The following CRY2 variants were observed in gnomAD, a reference collection of about 807,000 sequenced individuals.
The protein encoded by CRY2 is cryptochrome circadian regulator 2.
Under a neutral mutation model 69.5 loss-of-function variants are expected in CRY2, and 31 were observed. The ratio of observed to expected loss-of-function variants is 0.45; its 90% confidence interval spans 0.34 to 0.60. CRY2 has a LOEUF of 0.60. CRY2 is among the 20% of genes least tolerant of loss of function. The pLI is 0.02. For missense variants in CRY2, 606 were observed against 797.8 expected, an observed-to-expected ratio of 0.76 and a Z score of 2.90; for synonymous variants, 303 against 312.2, an observed-to-expected ratio of 0.97 and a Z score of 0.31.
At chr11:45,867,986 A>G in intron 6 of CRY2, 1 of 535,010 alleles carries the variant, frequency 1.9e-6, no homozygotes, top group Non-Finnish European at 3.3e-6. Context: ...CATGTAGAGC[A>G]GAAGGACAGG....
chr11:45,862,338 G>T (rs1352686339), intron 5 of CRY2, among the ~76,000 whole-genome samples, 190 bp downstream of exon 5: 3 of 152,334 alleles, frequency 2.0e-5, no homozygotes, highest in African/African-American at 7.2e-5. Flanking sequence ...TACTTACCAT[G>T]TGCTGGTCAC....
At chr11:45,854,055 G>A (rs2086218952) in intron 1 of CRY2, among the ~76,000 whole-genome samples, 1 of 152,238 alleles carries the variant, frequency 6.6e-6, no homozygotes, top group African/African-American at 2.4e-5. Flanking sequence ...GTACGTCAGA[G>A]GCAGCAGTGG....
intron 5 of CRY2, among the ~76,000 whole-genome samples, chr11:45,862,930 C>A (rs2086299996): frequency 6.6e-6 from 1 of 152,182 alleles, no homozygotes; most frequent in South Asian, 2.1e-4. Flanking sequence ...TAGTTTCCTG[C>A]CCCCTGCAGC....
chr11:45,852,792 CTT>C (rs2086207538), intron 1 of CRY2, among the ~76,000 whole-genome samples: 1 of 152,204 alleles, frequency 6.6e-6, no homozygotes, highest in Non-Finnish European at 1.5e-5. Context: ...GCTTGTGAAA[CTT>C]TAATATGCAA....
Position 45,881,025 on chromosome 11 carries a change from G to C in CRY2, c.*114G>C, listed in dbSNP as rs2086467850. ...CCGGGCAGAGATAGAGCGAGCATGT[G>C]TGTGTGTGTGCGCGTGTGCAGAGGA... On this transcript the variant is annotated 3_prime_UTR_variant, in exon 12 of 12. Coordinates refer to ENST00000616080, the MANE Select transcript of CRY2 (RefSeq NM_021117.5). 6.6e-6 allele frequency: 1 copy of C among 152,546 alleles called. No homozygotes were observed. The highest frequency in any genetic ancestry group is 2.4e-5 in the African/African-American group (1 of 41,476). 9.4% of individuals were successfully genotyped at this position (152,546 alleles called of 1,614,324 possible).
At chr11:45,868,134 C>T (rs1053950410) in intron 6 of CRY2, among the ~76,000 whole-genome samples, 5 of 152,280 alleles carry the variant, frequency 3.3e-5, no homozygotes, top group East Asian at 1.9e-4. Context: ...CATAGCTGCC[C>T]GCTCTGGAGC....
intron 1 of CRY2, among the ~76,000 whole-genome samples, chr11:45,849,923 C>T (rs2134625973): frequency 6.6e-6 from 1 of 152,244 alleles, no homozygotes; most frequent in Non-Finnish European, 1.5e-5. Flanking sequence ...TGTGCCCAGC[C>T]CCTTTCTCCC....
upstream of CRY2, chr11:45,847,306 G>C: frequency 5.1e-6 from 8 of 1,571,970 alleles, no homozygotes; most frequent in African/African-American, 1.3e-5. Context: ...GGGCGGGCCT[G>C]TTCCGGCGCC....
At chr11:45,847,231 G>C (rs2086155528), upstream of CRY2, 2 of 1,550,896 alleles carry the variant, frequency 1.3e-6, no homozygotes, top group South Asian at 1.2e-5. Context: ...GACAGCCCCA[G>C]CCTGCGTCAC....
At chr11:45,847,122 T>G (rs1044740995), upstream of CRY2, 7 of 1,479,586 alleles carry the variant, frequency 4.7e-6, no homozygotes, top group Admixed American at 3.9e-5. Context: ...CCAGGCAGCT[T>G]CTTCTAGAAG....
chr11:45,869,919 C>T (rs1176877671), intron 7 of CRY2, 102 bp downstream of exon 7: 2 of 1,515,678 alleles, frequency 1.3e-6, no homozygotes, highest in Non-Finnish European at 1.8e-6. Flanking sequence ...TTTCTGGGTC[C>T]AGGAGATCCC....
chr11:45,858,718 CCT>C lies in CRY2; in HGVS notation c.325-9_325-8del, dbSNP rs1235998085. On this transcript the variant is annotated splice_polypyrimidine_tract_variant and intron_variant, in intron 2 of 11. Transcript: ENST00000616080. ...AAACACAGTGTTGAGCATAACAGAT[CCT>C]CTCCCCACAGGAATGGGGAGTGACC... The C allele has an allele frequency of 6.2e-7, 1 of 1,610,882 alleles. No homozygotes were observed. Among genetic ancestry groups the C allele is most frequent in the South Asian group, 1.1e-5 (1 of 90,550 alleles).
At chr11:45,858,584 A>G (rs575283640) in intron 2 of CRY2, 147 bp from the exon 3 acceptor site, 8 of 915,532 alleles carry the variant, frequency 8.7e-6, no homozygotes, top group Non-Finnish European at 1.3e-5. Flanking sequence ...TTTGCTTTCC[A>G]GATCAAATCC....
Position 45,869,672 on chromosome 11 carries a change from C to T in CRY2, c.1049C>T (p.Ala350Val). 6.2e-7 allele frequency: 1 copy of T among 1,614,276 alleles called. No individual in the cohort carries two copies. The highest frequency in any genetic ancestry group is 8.5e-7 in the Non-Finnish European group (1 of 1,180,048). The change falls in exon 7 of 12, where the codon GCT becomes GTT. Residue 350 changes from alanine (A) to valine (V), a missense_variant. Physicochemically the swap from Ala to Val is moderately conservative, Grantham distance 64. This residue lies in a region of CRY2 where 382 missense variants were observed against 508.9 expected (regional missense o/e 0.75). Coordinates refer to ENST00000616080, the MANE Select transcript of CRY2 (RefSeq NM_021117.5). ...AATCCTGAGGCCCTGGCCAAGTGGG[C>T]TGAGGGCAAGACAGGCTTCCCTTGG... Reference protein sequence around the residue: ...DRNPEALAKWAEGKTGFPWID... With the variant: ...DRNPEALAKWVEGKTGFPWID...
chr11:45,861,775 C>A, intron 4 of CRY2: 1 of 399,220 alleles, frequency 2.5e-6, no homozygotes, highest in Non-Finnish European at 4.6e-6. Flanking sequence ...CCTTTTTCAC[C>A]TGAAAACCAC....
intron 1 of CRY2, among the ~76,000 whole-genome samples, chr11:45,854,102 G>A (rs540980078): frequency 6.6e-6 from 1 of 152,246 alleles, no homozygotes; most frequent in Non-Finnish European, 1.5e-5. Context: ...AATAGTCACT[G>A]CTTCTGTAAG....
chr11:45,868,039 C>G (rs2086345311), intron 6 of CRY2: 1 of 369,334 alleles, frequency 2.7e-6, no homozygotes. Context: ...GTGGCATATC[C>G]TCTGGCAGCT....
intron 2 of CRY2, among the ~76,000 whole-genome samples, chr11:45,856,663 G>T (rs1416711274): frequency 2.0e-5 from 3 of 152,170 alleles, no homozygotes; most frequent in Non-Finnish European, 2.9e-5. Context: ...GGGCATGTTG[G>T]CTGGCACCTG....
At chr11:45,853,625 C>T (rs1352053954) in intron 1 of CRY2, among the ~76,000 whole-genome samples, 1 of 150,996 alleles carries the variant, frequency 6.6e-6, no homozygotes, top group African/African-American at 2.4e-5. Flanking sequence ...AAGGACACTC[C>T]TGGGAGCTGC....
Sources: allele counts gnomAD v4.1 joint callset (sites outside exome capture counted in the v4.1 genomes callset), GRCh38; gene constraint gnomAD v4.1.1; regional missense constraint gnomAD v4.1.1; transcripts MANE v1.5; gene names NCBI Gene and HGNC (gene_info 2026-07-23, HGNC 2026-07-21).